The following CLSTN2 variants were observed in gnomAD, a reference collection of about 807,000 sequenced individuals.
CLSTN2 encodes the protein calsyntenin 2.
CLSTN2 carries 48 observed loss-of-function variants against 101.2 expected under a neutral mutation model. The observed-to-expected ratio is 0.47, with a 90% CI of 0.38 to 0.60. The LOEUF is 0.60. Among genes scored for constraint, CLSTN2 ranks in the 20% least tolerant of loss-of-function variants. The pLI, the probability that CLSTN2 is intolerant of heterozygous loss-of-function variation, is 0.00. For missense variants in CLSTN2, 1,160 were observed against 1,238.2 expected, an observed-to-expected ratio of 0.94 and a Z score of 0.95; for synonymous variants, 481 against 463.6, an observed-to-expected ratio of 1.04 and a Z score of -0.48.
intron 5 of CLSTN2, among the ~76,000 whole-genome samples, chr3:140,435,167 T>C (rs1297122818): frequency 2.0e-5 from 3 of 152,196 alleles, no homozygotes; most frequent in Non-Finnish European, 4.4e-5. Context: ...ACTCATTCTT[T>C]GTATTTTTTA....
chr3:139,964,504 T>A (rs1308142510), intron 1 of CLSTN2, among the ~76,000 whole-genome samples: 1 of 151,952 alleles, frequency 6.6e-6, no homozygotes, highest in Non-Finnish European at 1.5e-5. Flanking sequence ...GGTTTCAAAG[T>A]GTCATCTGGA....
At chr3:140,062,255 C>A (rs1025593309) in intron 1 of CLSTN2, among the ~76,000 whole-genome samples, 1 of 152,130 alleles carries the variant, frequency 6.6e-6, no homozygotes, top group African/African-American at 2.4e-5. Context: ...CTTTCTGGTT[C>A]CAAGTTTTCA....
At chr3:140,286,034 T>C (rs1327507609) in intron 2 of CLSTN2, among the ~76,000 whole-genome samples, 1 of 152,146 alleles carries the variant, frequency 6.6e-6, no homozygotes, top group Non-Finnish European at 1.5e-5. Flanking sequence ...TGTGAAACTT[T>C]AGCGTTAGGC....
At chr3:140,483,686 A>G (rs1317590411) in intron 8 of CLSTN2, among the ~76,000 whole-genome samples, 1 of 151,796 alleles carries the variant, frequency 6.6e-6, no homozygotes, top group Non-Finnish European at 1.5e-5. Flanking sequence ...TGATCCCTTT[A>G]CCATTATGTA....
At chr3:140,174,137 C>G (rs1362696588) in intron 1 of CLSTN2, among the ~76,000 whole-genome samples, 1 of 152,210 alleles carries the variant, frequency 6.6e-6, no homozygotes. Flanking sequence ...CCCAAGTCAT[C>G]TCTTGAATGC....
intron 2 of CLSTN2, among the ~76,000 whole-genome samples, chr3:140,210,313 T>A (rs746569741): frequency 2.0e-5 from 3 of 152,196 alleles, no homozygotes; most frequent in African/African-American, 7.2e-5. Context: ...TCATATTATG[T>A]TTGCAAGGAT....
chr3:140,281,085 A>G (rs2086841386), intron 2 of CLSTN2, among the ~76,000 whole-genome samples: 1 of 152,206 alleles, frequency 6.6e-6, no homozygotes, highest in Non-Finnish European at 1.5e-5. Context: ...TTTCAAATGT[A>G]CAGGTCTAAA....
At chr3:140,209,539 T>C (rs1189182923) in intron 2 of CLSTN2, among the ~76,000 whole-genome samples, 2 of 152,190 alleles carry the variant, frequency 1.3e-5, no homozygotes, top group East Asian at 1.9e-4. Context: ...GTTCATCCTA[T>C]AGCTTTATAC....
intron 1 of CLSTN2, among the ~76,000 whole-genome samples, chr3:139,985,852 A>G (rs1936013212): frequency 6.6e-6 from 1 of 152,206 alleles, no homozygotes; most frequent in Non-Finnish European, 1.5e-5. Flanking sequence ...TCAGTATGGT[A>G]GTTACTAGCA....
intron 8 of CLSTN2, among the ~76,000 whole-genome samples, chr3:140,510,133 T>C (rs1934778986): frequency 6.6e-6 from 1 of 152,308 alleles, no homozygotes; most frequent in Non-Finnish European, 1.5e-5. Context: ...AAAACTATAT[T>C]GAAAGTCAAA....
chr3:140,298,621 T>G lies in CLSTN2; in HGVS notation c.233-105008T>G, dbSNP rs532720397. On this transcript the variant is annotated intron_variant, in intron 2 of 16. Coordinates refer to ENST00000458420, the MANE Select transcript of CLSTN2 (RefSeq NM_022131.3). ...TGTGAAGCCCAGGAGGGGAGGTAAC[T>G]TGCCCAGGATCACACAAGAAGACTC... is the stretch of plus-strand genomic sequence containing the variant. Among the ~76,000 whole-genome samples the G allele has an allele frequency of 1.3e-4, 20 of 152,276 alleles. No individual in the cohort carries two copies. The South Asian group carries it at 4.2e-3, about 32-fold the overall frequency.
chr3:140,434,772 C>T (rs1209880372), intron 5 of CLSTN2, among the ~76,000 whole-genome samples: 1 of 152,162 alleles, frequency 6.6e-6, no homozygotes, highest in African/African-American at 2.4e-5. Context: ...TGACAGGAGA[C>T]AGGCATTTGT....
chr3:139,940,600 T>C (rs529973246), intron 1 of CLSTN2, among the ~76,000 whole-genome samples: 1 of 152,306 alleles, frequency 6.6e-6, no homozygotes, highest in African/African-American at 2.4e-5. Context: ...CAGCTCAAAC[T>C]GTTATCCGTT....
At chr3:139,945,273 C>T (rs1039837773) in intron 1 of CLSTN2, among the ~76,000 whole-genome samples, 1 of 152,148 alleles carries the variant, frequency 6.6e-6, no homozygotes, top group Non-Finnish European at 1.5e-5. Flanking sequence ...GGGCAAATCA[C>T]TCAGCCCCTC....
At chr3:140,426,241 GC>G (rs1303408782) in intron 5 of CLSTN2, among the ~76,000 whole-genome samples, 2 of 152,106 alleles carry the variant, frequency 1.3e-5, no homozygotes, top group Admixed American at 1.3e-4. Flanking sequence ...GATATTAAGC[GC>G]CACATGCAGT....
intron 1 of CLSTN2, among the ~76,000 whole-genome samples, chr3:140,000,762 T>C (rs1316605587): frequency 6.6e-6 from 1 of 152,190 alleles, no homozygotes; most frequent in African/African-American, 2.4e-5. Context: ...ATCTTGCTCT[T>C]CTCTGGCCTA....
chr3:140,221,284 T>G (rs2086270119), intron 2 of CLSTN2, among the ~76,000 whole-genome samples: 1 of 152,214 alleles, frequency 6.6e-6, no homozygotes. Context: ...AAAAAATTAT[T>G]TATCTTACTT....
At chr3:140,150,316 C>T (rs927450604) in intron 1 of CLSTN2, among the ~76,000 whole-genome samples, 9 of 152,098 alleles carry the variant, frequency 5.9e-5, no homozygotes, top group Non-Finnish European at 1.0e-4. Flanking sequence ...AGCTTTAGGG[C>T]TTTGGTCAGT....
chr3:140,349,632 T>G (rs1473834972), intron 2 of CLSTN2, among the ~76,000 whole-genome samples: 1 of 152,214 alleles, frequency 6.6e-6, no homozygotes, highest in Admixed American at 6.5e-5. Context: ...ATCTAAAATC[T>G]GTGAATCTGT....
Sources: gnomAD v4.1 joint callset for allele counts (sites outside exome capture counted in the v4.1 genomes callset) on GRCh38, gnomAD v4.1.1 for gene constraint, MANE v1.5 for transcripts, NCBI Gene and HGNC (gene_info 2026-07-23, HGNC 2026-07-21) for gene names.